HERC2: variants seen among roughly 807,000 people sequenced by gnomAD.
HERC2 encodes HECT and RLD domain containing E3 ubiquitin protein ligase 2, also known as E3 ubiquitin-protein ligase HERC2.
Under a neutral mutation model 537.7 loss-of-function variants are expected in HERC2, and 102 were observed. The ratio of observed to expected loss-of-function variants is 0.19; its 90% confidence interval spans 0.16 to 0.22. The LOEUF (loss-of-function observed/expected upper bound fraction) is 0.22, where lower values mean the gene tolerates loss of function less well. Among genes scored for constraint, HERC2 ranks in the 10% least tolerant of loss-of-function variants. The pLI, the probability that HERC2 is intolerant of heterozygous loss-of-function variation, is 1.00. For synonymous variants in HERC2, 2,224 were observed against 2,466.2 expected (o/e 0.90, Z 2.91); for missense variants, 4,236 against 6,198.2 (o/e 0.68, Z 10.63).
At chr15:28,279,362 T>A (rs143523248) in intron 5 of HERC2, among the ~76,000 whole-genome samples, 1 of 152,096 alleles carries the variant, frequency 6.6e-6, no homozygotes, top group Non-Finnish European at 1.5e-5. Context: ...TCTAAACTAG[T>A]TGGGCATTAA....
intron 83 of HERC2, among the ~76,000 whole-genome samples, chr15:28,127,291 G>A (rs1014764508): frequency 2.0e-5 from 3 of 152,236 alleles, no homozygotes; most frequent in Non-Finnish European, 4.4e-5. Context: ...CCACCCAGGT[G>A]CTAGCTCCGA....
At chr15:28,117,629 C>A in intron 86 of HERC2, 2 of 441,110 alleles carry the variant, frequency 4.5e-6, no homozygotes, top group Non-Finnish European at 9.1e-6. Context: ...CCCAATGCCC[C>A]TGAGACTGAA....
intron 65 of HERC2, among the ~76,000 whole-genome samples, chr15:28,170,574 A>G (rs1381025761): frequency 1.3e-5 from 2 of 152,242 alleles, no homozygotes; most frequent in East Asian, 3.8e-4. Flanking sequence ...GAAAAATAGG[A>G]GACAGTCTTT....
intron 69 of HERC2, among the ~76,000 whole-genome samples, chr15:28,161,513 C>T (rs139722186): frequency 7.9e-5 from 12 of 152,328 alleles, no homozygotes; most frequent in African/African-American, 1.9e-4. Flanking sequence ...ACGGCCTTTA[C>T]GACTGATCAG....
intron 44 of HERC2, among the ~76,000 whole-genome samples, chr15:28,209,412 C>T (rs979465893): frequency 2.0e-5 from 3 of 151,944 alleles, no homozygotes; most frequent in African/African-American, 7.2e-5. Context: ...GACACGATCT[C>T]GCCTCACTGC....
chr15:28,293,825 T>C (rs1296282339), intron 3 of HERC2, among the ~76,000 whole-genome samples: 6 of 152,190 alleles, frequency 3.9e-5, no homozygotes. Flanking sequence ...AAGGAAAAGC[T>C]GAGAAAAATC....
intron 69 of HERC2, among the ~76,000 whole-genome samples, chr15:28,155,769 G>A (rs374481612): frequency 3.3e-5 from 5 of 151,908 alleles, no homozygotes; most frequent in Non-Finnish European, 7.4e-5. Context: ...TAGTTTAATT[G>A]GATCCCATTT....
chr15:28,124,393 T>A (rs937444149), intron 84 of HERC2, among the ~76,000 whole-genome samples, 159 bp from the exon 85 acceptor site: 1 of 152,212 alleles, frequency 6.6e-6, no homozygotes, highest in African/African-American at 2.4e-5. Flanking sequence ...GCTTTTAAAA[T>A]AATATTCTGT....
rs146406729 is a variant in HERC2, at chr15:28,194,807, G to A, written c.8260+1408C>T. 9.3e-4 allele frequency among the ~76,000 whole-genome samples: 141 copies of A among 152,218 alleles called. 3 individuals are homozygous for A. Among genetic ancestry groups the A allele is most frequent in the African/African-American group, 3.1e-3 (129 of 41,552 alleles). ...GCAGTGGCTCATGCATGTAACCCCA[G>A]CACTTTGGGAGACTGAGGTGGGTGG... On this transcript the variant is annotated intron_variant, in intron 52 of 92. Transcript: ENST00000261609.
In HERC2 at chr15:28,130,205, T is replaced by C. The variant is rs1464176333; in HGVS notation, c.12760A>G (p.Ile4254Val). Residue 4254 changes from isoleucine to valine, a missense_variant, in exon 83 of 93, where the codon ATC becomes GTC. Ile to Val is a conservative substitution (Grantham distance 29). Coordinates refer to ENST00000261609, the MANE Select transcript of HERC2 (RefSeq NM_004667.6). ...ACACAGTGCAGGGAGCCAGTGGCGA[T>C]GGCGATGACTTTCTTCCCCTGCAAC... Reference protein sequence around the residue: ...QGLQGKKVIAIATGSLHCVCC... With the variant: ...QGLQGKKVIAVATGSLHCVCC... The C allele has an allele frequency of 6.2e-6, 10 of 1,614,198 alleles. No homozygotes were observed. The South Asian group carries it at 7.7e-5, about 12-fold the overall frequency.
chr15:28,172,858 A>G (rs1239890034), intron 65 of HERC2, among the ~76,000 whole-genome samples: 1 of 152,262 alleles, frequency 6.6e-6, no homozygotes, highest in East Asian at 1.9e-4. Context: ...AGCAAATTCT[A>G]TATTAGGCAA....
chr15:28,216,313 AT>A lies in HERC2; in HGVS notation c.6029-512del, dbSNP rs201840469. Among the ~76,000 whole-genome samples, 1,071 of 147,200 alleles carry A rather than the reference AT, an allele frequency of 7.3e-3. 8 individuals carry two copies. Among genetic ancestry groups the A allele is most frequent in the African/African-American group, 0.021 (839 of 40,570 alleles). On this transcript the variant is annotated intron_variant, in intron 38 of 92. Coordinates refer to ENST00000261609, the MANE Select transcript of HERC2 (RefSeq NM_004667.6). ...TATATTTAATCTGCACCACTTAAAT[AT>A]TTTTTTTTTTTGTATTTTTAGTAGA...
At chr15:28,210,335 A>G (rs558506821) in intron 44 of HERC2, among the ~76,000 whole-genome samples, 29 of 152,098 alleles carry the variant, frequency 1.9e-4, no homozygotes, top group African/African-American at 5.3e-4. Context: ...GGGTTTCACC[A>G]TGTTAGCCAG....
chr15:28,274,293 C>A lies in HERC2; in HGVS notation c.798G>T (p.Thr266=). The change falls in exon 7 of 93, where the codon ACG becomes ACT. Residue 266 remains threonine (T), a splice_region_variant and synonymous_variant. Transcript: ENST00000261609. ...RATRFLRSVV[T]GDVHGTPATK... ...AGGCAAGAAAGGAAAGAACTCACCCCGTCACGACGGACCTGAGGAACCTGG... is the reference window on the plus strand; with the variant it reads ...AGGCAAGAAAGGAAAGAACTCACCCAGTCACGACGGACCTGAGGAACCTGG... The A allele has an allele frequency of 1.2e-6, 2 of 1,614,110 alleles. No homozygotes were observed. The highest frequency in any genetic ancestry group is 1.1e-5 in the South Asian group (1 of 91,058).
At chr15:28,210,048 C>T (rs575206005) in intron 44 of HERC2, among the ~76,000 whole-genome samples, 12 of 149,778 alleles carry the variant, frequency 8.0e-5, no homozygotes, top group East Asian at 4.0e-4. Context: ...CTGCAACCTC[C>T]GCCCCCCGGT....
intron 2 of HERC2, among the ~76,000 whole-genome samples, chr15:28,311,035 C>T (rs2076928386): frequency 7.4e-6 from 1 of 135,452 alleles, no homozygotes; most frequent in Non-Finnish European, 1.5e-5. Context: ...GGAGATCGCA[C>T]CACAGCACTC....
intron 71 of HERC2, among the ~76,000 whole-genome samples, chr15:28,145,609 C>T (rs112238395): frequency 2.1e-3 from 324 of 152,328 alleles, no homozygotes; most frequent in African/African-American, 7.4e-3. Context: ...CACGCCCATT[C>T]TCTGGCATCC....
intron 69 of HERC2, among the ~76,000 whole-genome samples, chr15:28,157,387 G>A (rs1432493980): frequency 6.6e-6 from 1 of 152,064 alleles, no homozygotes; most frequent in Non-Finnish European, 1.5e-5. Context: ...ACTTTTTTTG[G>A]TTGGTAAGCT....
At chr15:28,232,629 T>C (rs1235038328) in intron 30 of HERC2, among the ~76,000 whole-genome samples, 1 of 152,224 alleles carries the variant, frequency 6.6e-6, no homozygotes, top group Non-Finnish European at 1.5e-5. Context: ...TAAACTATTT[T>C]ATAATTTCTA....
Sources: gnomAD v4.1 joint callset for allele counts (sites outside exome capture counted in the v4.1 genomes callset) on GRCh38, gnomAD v4.1.1 for gene constraint, MANE v1.5 for transcripts, NCBI Gene and HGNC (gene_info 2026-07-23, HGNC 2026-07-21) for gene names.